The following SCAF8 variants were observed in gnomAD, a reference collection of about 807,000 sequenced individuals.
SCAF8 encodes the protein SR-related and CTD-associated factor 8.
SCAF8 carries 23 observed loss-of-function variants against 140.5 expected under a neutral mutation model. The observed-to-expected ratio is 0.16, with a 90% CI of 0.12 to 0.23. The LOEUF is 0.23. Ranked by LOEUF, SCAF8 falls within the 10% of genes least tolerant of loss-of-function variation. The pLI, the probability that SCAF8 is intolerant of heterozygous loss-of-function variation, is 1.00. For missense variants in SCAF8, 1,397 were observed against 1,555.7 expected, an observed-to-expected ratio of 0.90 and a Z score of 1.72; for synonymous variants, 575 against 528.9, an observed-to-expected ratio of 1.09 and a Z score of -1.20.
At chr6:154,820,134 T>C (rs1778373691) in intron 14 of SCAF8, 43 bp from the exon 15 acceptor site, 3 of 1,443,556 alleles carry the variant, frequency 2.1e-6, no homozygotes, top group Non-Finnish European at 2.8e-6. Flanking sequence ...TTTTATAGTA[T>C]GTATGTATAA....
chr6:154,790,164 A>G (rs1451757333), intron 4 of SCAF8, among the ~76,000 whole-genome samples: 1 of 152,182 alleles, frequency 6.6e-6, no homozygotes, highest in Non-Finnish European at 1.5e-5. Flanking sequence ...ATGTAGATAT[A>G]TGGAATGATA....
chr6:154,802,629 A>T (rs1018080590), intron 7 of SCAF8, among the ~76,000 whole-genome samples: 18 of 149,808 alleles, frequency 1.2e-4, no homozygotes, highest in East Asian at 5.9e-4. Context: ...AAAAAAAAAA[A>T]TTTTTTTTGA....
At chr6:154,806,074 C>T (rs943921806) in intron 9 of SCAF8, among the ~76,000 whole-genome samples, 7 of 152,132 alleles carry the variant, frequency 4.6e-5, no homozygotes, top group African/African-American at 1.7e-4. Context: ...CAGCAGTGTA[C>T]AGCTAGTGTT....
chr6:154,794,831 T>TGTGTGTG (rs1777551403), intron 5 of SCAF8, among the ~76,000 whole-genome samples, 178 bp from the exon 6 acceptor site: 1 of 137,548 alleles, frequency 7.3e-6, no homozygotes, highest in African/African-American at 2.7e-5. Flanking sequence ...GTGTGTGTGT[T>TGTGTGTG]TAATGTACCT....
chr6:154,787,106 G>C (rs1275768759), intron 3 of SCAF8, among the ~76,000 whole-genome samples: 1 of 152,234 alleles, frequency 6.6e-6, no homozygotes, highest in African/African-American at 2.4e-5. Context: ...TGTATTTCCA[G>C]CACTTTGGGA....
intron 6 of SCAF8, 24 bp from the exon 7 acceptor site, chr6:154,801,947 T>C: frequency 6.5e-7 from 1 of 1,536,224 alleles, no homozygotes. Context: ...ACCTGTTTTG[T>C]AATATATATT....
At position 154,809,946 on chromosome 6, in the gene SCAF8, C is replaced by T. The variant is rs892038768; in HGVS notation, c.1227-69C>T. 3.2e-6 allele frequency: 4 copies of T among 1,235,210 alleles called. No homozygotes were observed. The African/African-American group carries it at 4.6e-5, about 14-fold the overall frequency. The allele number at this position is 1,235,210 out of a possible 1,614,324, so 76.5% of individuals were successfully genotyped here. On this transcript the variant is annotated intron_variant, in intron 11 of 19. Transcript: ENST00000367178. ...ACTTTTTTGTTATTGTTTTTTCCCT[C>T]ACTTAGAAGTGACAGATTTGGTAGA...
intron 5 of SCAF8, among the ~76,000 whole-genome samples, chr6:154,793,378 C>G (rs1422960632): frequency 6.6e-6 from 1 of 151,518 alleles, no homozygotes; most frequent in Non-Finnish European, 1.5e-5. Context: ...ATCGTGTTCT[C>G]TTGAGGCATT....
At chr6:154,756,414 A>C (rs1778967503) in intron 1 of SCAF8, among the ~76,000 whole-genome samples, 1 of 152,224 alleles carries the variant, frequency 6.6e-6, no homozygotes, top group African/African-American at 2.4e-5. Context: ...GTAGATTGTT[A>C]GATAAATGGA....
chr6:154,815,871 A>G, intron 13 of SCAF8, 55 bp downstream of exon 13: 6 of 994,522 alleles, frequency 6.0e-6, no homozygotes, highest in Non-Finnish European at 9.4e-6. Context: ...TTTTATTAAT[A>G]CAAAGAATCA....
intron 2 of SCAF8, among the ~76,000 whole-genome samples, chr6:154,777,306 C>A (rs184361857): frequency 6.6e-6 from 1 of 152,010 alleles, no homozygotes; most frequent in Non-Finnish European, 1.5e-5. Context: ...ATATACTATA[C>A]GCTAAATTTA....
intron 14 of SCAF8, among the ~76,000 whole-genome samples, chr6:154,818,974 T>C (rs1015682890): frequency 6.6e-6 from 1 of 152,156 alleles, no homozygotes; most frequent in Non-Finnish European, 1.5e-5. Context: ...CTTCTAATTA[T>C]ATTATTGATT....
chr6:154,810,336 GTC>G (rs1778053755), intron 12 of SCAF8, 128 bp downstream of exon 12: 1 of 601,730 alleles, frequency 1.7e-6, no homozygotes, highest in African/African-American at 1.9e-5. Context: ...AATGAGTAAT[GTC>G]TCTGGTTTTT....
Position 154,733,731 on chromosome 6 carries a change from C to A in SCAF8, c.-170C>A. On this transcript the variant is annotated 5_prime_UTR_variant, in exon 1 of 20. Coordinates refer to ENST00000367178, the MANE Select transcript of SCAF8 (RefSeq NM_014892.5). Reference sequence around the variant, plus strand: ...GTGCCGCTCTGCCGCTGAGGGAGCCCTTCCCCGCCAGCGCGTGCCCTTCCA... The same window carrying A: ...GTGCCGCTCTGCCGCTGAGGGAGCCATTCCCCGCCAGCGCGTGCCCTTCCA... The A allele has an allele frequency of 7.5e-7, 1 of 1,328,104 alleles. No individual in the cohort carries two copies. Among genetic ancestry groups the A allele is most frequent in the Non-Finnish European group, 9.6e-7 (1 of 1,042,850 alleles). 82.3% of individuals were successfully genotyped at this position (1,328,104 alleles called of 1,614,324 possible). A position where few individuals can be genotyped will look rare whatever the true frequency, so the allele number is the denominator to read the frequency against.
chr6:154,815,012 C>T (rs1035788186), intron 12 of SCAF8, among the ~76,000 whole-genome samples: 2 of 152,118 alleles, frequency 1.3e-5, no homozygotes, highest in African/African-American at 4.8e-5. Context: ...TTAAAAGGTT[C>T]ACAGGCCGGG....
chr6:154,784,159 T>TATATATATATATATATATA (rs1777182455), intron 3 of SCAF8, among the ~76,000 whole-genome samples: 1 of 95,534 alleles, frequency 1.0e-5, no homozygotes, highest in African/African-American at 3.9e-5. Context: ...ATATATATAT[T>TATATATATATATATATATA]TATTTATTTA....
chr6:154,735,337 T>C (rs1385838236), intron 1 of SCAF8, among the ~76,000 whole-genome samples: 1 of 152,168 alleles, frequency 6.6e-6, no homozygotes, highest in Admixed American at 6.5e-5. Context: ...TATCTTGTTT[T>C]AATTTCTTTA....
chr6:154,818,614 C>G (rs1428637893), intron 14 of SCAF8, 22 bp downstream of exon 14: 1 of 1,289,990 alleles, frequency 7.8e-7, no homozygotes, highest in African/African-American at 1.5e-5. Flanking sequence ...TGGATTGGAA[C>G]TTGGGGTAGG....
chr6:154,739,757 C>G (rs1168243935), intron 1 of SCAF8, among the ~76,000 whole-genome samples: 19 of 152,186 alleles, frequency 1.2e-4, no homozygotes, highest in Admixed American at 9.2e-4. Flanking sequence ...ATAAAGTGAA[C>G]TCCCATCTCC....
Sources: gnomAD v4.1 joint callset for allele counts (sites outside exome capture counted in the v4.1 genomes callset) on GRCh38, gnomAD v4.1.1 for gene constraint, MANE v1.5 for transcripts, NCBI Gene and HGNC (gene_info 2026-07-23, HGNC 2026-07-21) for gene names.